AK9: variants seen among roughly 807,000 people sequenced by gnomAD.
The protein encoded by AK9 is adenylate kinase domain containing 1.
A neutral mutation model predicts 239.6 loss-of-function variants in AK9; 191 were observed. That is an observed-to-expected ratio of 0.80 (90% confidence interval 0.71 to 0.90). The LOEUF is 0.90. Among genes scored for constraint, AK9 ranks in the 40% least tolerant of loss-of-function variants. The pLI is 0.00. For missense variants in AK9, 1,995 were observed against 2,214.7 expected, an observed-to-expected ratio of 0.90 and a Z score of 1.99; for synonymous variants, 689 against 721.0, an observed-to-expected ratio of 0.96 and a Z score of 0.71.
chr6:109,595,959 C>A (rs1790972155), intron 17 of AK9, among the ~76,000 whole-genome samples: 1 of 151,794 alleles, frequency 6.6e-6, no homozygotes, highest in South Asian at 2.1e-4. Flanking sequence ...ATGTAACAAA[C>A]CTGCACATTC....
intron 3 of AK9, among the ~76,000 whole-genome samples, chr6:109,673,739 T>C (rs898026572): frequency 6.6e-6 from 1 of 151,974 alleles, no homozygotes; most frequent in African/African-American, 2.4e-5. Context: ...GAATAGAGAA[T>C]TGGAGGTAGT....
At chr6:109,538,689 T>C (rs1228258473) in intron 27 of AK9, among the ~76,000 whole-genome samples, 2 of 152,158 alleles carry the variant, frequency 1.3e-5, no homozygotes, top group African/African-American at 4.8e-5. Context: ...TGATGCAGTT[T>C]CTTCCTAGCA....
At chr6:109,546,208 A>C in intron 25 of AK9, 81 bp from the exon 26 acceptor site, 1 of 1,313,802 alleles carries the variant, frequency 7.6e-7, no homozygotes, top group Non-Finnish European at 1.0e-6. Context: ...TAGAACACAT[A>C]AGACTTATTA....
chr6:109,535,139 T>C (rs1276451565), intron 27 of AK9, among the ~76,000 whole-genome samples: 3 of 152,208 alleles, frequency 2.0e-5, no homozygotes, highest in Non-Finnish European at 2.9e-5. Context: ...GATGGCTGGG[T>C]CAAATGGTAT....
At chr6:109,563,281 C>T (rs1425128697) in intron 24 of AK9, among the ~76,000 whole-genome samples, 1 of 152,192 alleles carries the variant, frequency 6.6e-6, no homozygotes, top group Non-Finnish European at 1.5e-5. Context: ...ACTGAGAACA[C>T]TGCACATTAT....
chr6:109,639,813 A>G (rs1183690163), intron 10 of AK9, among the ~76,000 whole-genome samples: 4 of 152,168 alleles, frequency 2.6e-5, no homozygotes, highest in African/African-American at 9.7e-5. Flanking sequence ...TCCATCTTGA[A>G]CTAATTTTTG....
At chr6:109,618,439 A>AC (rs561883349) in intron 13 of AK9, among the ~76,000 whole-genome samples, 78 of 150,452 alleles carry the variant, frequency 5.2e-4, no homozygotes, top group African/African-American at 1.7e-3. Context: ...GAAAAAAAAA[A>AC]ACAAAACGCT....
At chr6:109,564,653 G>T in intron 22 of AK9, 103 bp downstream of exon 22, 1 of 812,654 alleles carries the variant, frequency 1.2e-6, no homozygotes, top group Non-Finnish European at 1.9e-6. Context: ...AACATAGAAA[G>T]AAATAAGTAT....
intron 17 of AK9, among the ~76,000 whole-genome samples, chr6:109,589,549 G>T (rs1440086403): frequency 6.6e-6 from 1 of 152,050 alleles, no homozygotes; most frequent in Non-Finnish European, 1.5e-5. Flanking sequence ...TTCCAATTTG[G>T]ATGCCTTTTA....
chr6:109,653,356 T>C (rs1284145126), intron 8 of AK9, among the ~76,000 whole-genome samples: 1 of 152,214 alleles, frequency 6.6e-6, no homozygotes, highest in Non-Finnish European at 1.5e-5. Context: ...CTATCTTAGC[T>C]TTTAAATTTC....
chr6:109,647,700 G>T (rs1241701352), intron 8 of AK9, among the ~76,000 whole-genome samples: 1 of 152,072 alleles, frequency 6.6e-6, no homozygotes, highest in Non-Finnish European at 1.5e-5. Context: ...AGTTAACAAG[G>T]ATACCCAGGA....
At chr6:109,600,735 A>G (rs1208735903) in intron 17 of AK9, among the ~76,000 whole-genome samples, 1 of 152,070 alleles carries the variant, frequency 6.6e-6, no homozygotes, top group Admixed American at 6.6e-5. Flanking sequence ...GTAAGCTATT[A>G]ATTATTGCCT....
chr6:109,653,052 G>A (rs1183913618), intron 8 of AK9, among the ~76,000 whole-genome samples: 1 of 151,940 alleles, frequency 6.6e-6, no homozygotes, highest in Non-Finnish European at 1.5e-5. Flanking sequence ...TCAGCCTCCT[G>A]AGTAGCTGGG....
intron 17 of AK9, among the ~76,000 whole-genome samples, chr6:109,602,383 A>T (rs573518546): frequency 5.0e-4 from 76 of 152,258 alleles, no homozygotes; most frequent in Non-Finnish European, 9.1e-4. Flanking sequence ...CTTTTCTTTA[A>T]GAATGTTGAA....
chr6:109,601,370 G>T (rs964247735), intron 17 of AK9, among the ~76,000 whole-genome samples: 1 of 152,048 alleles, frequency 6.6e-6, no homozygotes, highest in Non-Finnish European at 1.5e-5. Context: ...GTTGAGTTTC[G>T]ATGTAGTTGA....
intron 24 of AK9, among the ~76,000 whole-genome samples, chr6:109,557,722 G>C (rs545229111): frequency 6.6e-6 from 1 of 152,154 alleles, no homozygotes; most frequent in Non-Finnish European, 1.5e-5. Flanking sequence ...TCTTTGAATG[G>C]GCATGTGCTC....
At chr6:109,685,220 C>T (rs1408365725) in intron 1 of AK9, among the ~76,000 whole-genome samples, 3 of 152,132 alleles carry the variant, frequency 2.0e-5, no homozygotes, top group African/African-American at 7.2e-5. Context: ...CCAGTAATCT[C>T]ATTACTGGGT....
intron 12 of AK9, among the ~76,000 whole-genome samples, chr6:109,626,590 G>GA (rs1741307380): frequency 6.6e-6 from 1 of 152,038 alleles, no homozygotes. Flanking sequence ...AAACTTAGAG[G>GA]GTACAGCTTA....
intron 35 of AK9, among the ~76,000 whole-genome samples, chr6:109,499,842 C>A (rs1777421819): frequency 6.6e-6 from 1 of 152,162 alleles, no homozygotes; most frequent in Non-Finnish European, 1.5e-5. Context: ...TCAGGTGATC[C>A]ACCCACCTCG....
Sources: allele counts gnomAD v4.1 joint callset (sites outside exome capture counted in the v4.1 genomes callset), GRCh38; gene constraint gnomAD v4.1.1; transcripts MANE v1.5; gene names NCBI Gene and HGNC (gene_info 2026-07-23, HGNC 2026-07-21).